STRIP2: variants seen among roughly 807,000 people sequenced by gnomAD.
STRIP2 encodes the protein striatin-interacting protein 2.
In STRIP2, 84 loss-of-function variants were observed where a neutral mutation model predicts 107.1. The ratio of observed to expected loss-of-function variants is 0.78; its 90% CI spans 0.66 to 0.94. The LOEUF (loss-of-function observed/expected upper bound fraction) is 0.94, where lower values mean the gene tolerates loss of function less well. Ranked by LOEUF, STRIP2 falls within the 40% of genes least tolerant of loss-of-function variation. The pLI, the probability that STRIP2 is intolerant of heterozygous loss-of-function variation, is 0.00. For synonymous variants in STRIP2, 394 were observed against 400.4 expected (o/e 0.98, Z 0.19); for missense variants, 888 against 1,034.2 (o/e 0.86, Z 1.94).
chr7:129,455,331 C>T lies in STRIP2; in HGVS notation c.794C>T (p.Pro265Leu), dbSNP rs900215603. Residue 265 changes from proline to leucine, a missense_variant, in exon 8 of 21, where the codon CCC (proline) becomes CTC (leucine). By Grantham distance (98) the Pro-to-Leu change is moderately conservative (BLOSUM62 -3). Coordinates refer to ENST00000249344, the MANE Select transcript of STRIP2 (RefSeq NM_020704.3). The part of the protein sequence containing the change: ...KFCSGLAPHF[P>L]IKKVLLLLWK... ...TGCAGTGGCCTGGCTCCTCACTTCC[C>T]CATAAAGAAGGTCCTGCTCCTGCTC... 6.2e-7 allele frequency: 1 copy of T among 1,613,908 alleles called. No individual in the cohort carries two copies. Among genetic ancestry groups the T allele is most frequent in the South Asian group, 1.1e-5 (1 of 91,030 alleles).
chr7:129,482,363 A>C (rs1182828960), intron 19 of STRIP2, among the ~76,000 whole-genome samples: 76 of 101,488 alleles, frequency 7.5e-4, no homozygotes, highest in African/African-American at 2.0e-3. Flanking sequence ...CTCTATATAT[A>C]TATATATATA....
intron 19 of STRIP2, among the ~76,000 whole-genome samples, chr7:129,481,491 C>T (rs556062878): frequency 2.0e-4 from 30 of 151,346 alleles, no homozygotes; most frequent in Admixed American, 4.0e-4. Flanking sequence ...AGTGAGACTC[C>T]GTCTCAAAAT....
intron 20 of STRIP2, among the ~76,000 whole-genome samples, chr7:129,484,011 G>T (rs1027157914): frequency 5.3e-5 from 8 of 152,188 alleles, no homozygotes. Flanking sequence ...CTCCCAAAGT[G>T]CTGGGATTAC....
chr7:129,434,726 C>T, intron 1 of STRIP2, 125 bp downstream of exon 1: 1 of 1,146,594 alleles, frequency 8.7e-7, no homozygotes, highest in Non-Finnish European at 1.2e-6. Context: ...GCAGTGGGCG[C>T]CTGCGGGGTC....
chr7:129,456,528 C>T lies in STRIP2; in HGVS notation c.924C>T (p.Ile308=). 6.2e-7 allele frequency: 1 copy of T among 1,614,044 alleles called. No individual in the cohort carries two copies. The highest frequency in any genetic ancestry group is 8.5e-7 in the Non-Finnish European group (1 of 1,180,000). ...LGLPPLAEDS[I]QVVKSMRAAS... ...TGCCTCCACTGGCTGAAGACAGTAT[C>T]CAGGTGGTGAAGAGCATGCGTGCTG... Residue 308 remains isoleucine (I), a synonymous_variant, in exon 9 of 21, where the codon ATC becomes ATT. Coordinates refer to ENST00000249344, the MANE Select transcript of STRIP2 (RefSeq NM_020704.3).
chr7:129,467,252 G>A, intron 16 of STRIP2, 98 bp from the exon 17 acceptor site: 1 of 859,996 alleles, frequency 1.2e-6, no homozygotes, highest in Non-Finnish European at 1.9e-6. Flanking sequence ...GATATTCTCA[G>A]GAATGGATAT....
chr7:129,454,018 C>A (rs1798269755), intron 5 of STRIP2, 124 bp from the exon 6 acceptor site: 8 of 803,522 alleles, frequency 1.0e-5, no homozygotes, highest in Admixed American at 2.3e-5. Flanking sequence ...TACTCTAGAC[C>A]AGTTTCATTA....
In STRIP2 at chr7:129,485,840, G is replaced by A. The variant is rs1228133263; in HGVS notation, c.*11G>A. The A allele has an allele frequency of 1.2e-6, 2 of 1,613,410 alleles. No homozygotes were observed. Among genetic ancestry groups the A allele is most frequent in the East Asian group, 2.2e-5 (1 of 44,882 alleles). On this transcript the variant is annotated 3_prime_UTR_variant, in exon 21 of 21. Coordinates refer to ENST00000249344, the MANE Select transcript of STRIP2 (RefSeq NM_020704.3). Reference sequence around the variant, plus strand: ...CTCCAGAATCACTGACTAAGTTCTTGTCAACAAGCATCAATAGATAGAGGT... The same window carrying A: ...CTCCAGAATCACTGACTAAGTTCTTATCAACAAGCATCAATAGATAGAGGT...
intron 18 of STRIP2, among the ~76,000 whole-genome samples, chr7:129,471,149 T>C (rs1473013498): frequency 6.6e-6 from 1 of 152,158 alleles, no homozygotes; most frequent in African/African-American, 2.4e-5. Context: ...GAAAATACTT[T>C]GTCTAAGTCT....
At chr7:129,481,712 G>A (rs1475169959) in intron 19 of STRIP2, among the ~76,000 whole-genome samples, 1 of 152,060 alleles carries the variant, frequency 6.6e-6, no homozygotes, top group East Asian at 1.9e-4. Context: ...AGGAGTTTGA[G>A]ACCAGCCTGG....
At chr7:129,469,758 A>G (rs182764431) in intron 17 of STRIP2, among the ~76,000 whole-genome samples, 1 of 152,304 alleles carries the variant, frequency 6.6e-6, no homozygotes, top group African/African-American at 2.4e-5. Flanking sequence ...AGAAGTTTTG[A>G]CTTTTAAAAT....
In STRIP2 at chr7:129,485,614, G is replaced by C; in HGVS notation, c.2290G>C (p.Glu764Gln). ...DARPWDFQAEECTLRANIEAF... is the reference protein window; with the variant it reads ...DARPWDFQAEQCTLRANIEAF... ...CAGACCATGGGACTTCCAAGCAGAA[G>C]AATGTACCTTGAGGGCCAACATTGA... Residue 764 changes from glutamate to glutamine, a missense_variant, in exon 21 of 21, where the codon GAA becomes CAA. By Grantham distance (29) the Glu-to-Gln change is conservative. Coordinates refer to ENST00000249344, the MANE Select transcript of STRIP2 (RefSeq NM_020704.3). The C allele has an allele frequency of 3.7e-6, 6 of 1,613,966 alleles. No homozygotes were observed. The highest frequency in any genetic ancestry group is 5.1e-6 in the Non-Finnish European group (6 of 1,180,018).
chr7:129,468,736 T>C (rs1024806165), intron 17 of STRIP2, among the ~76,000 whole-genome samples: 3 of 152,176 alleles, frequency 2.0e-5, no homozygotes, highest in Admixed American at 6.5e-5. Context: ...GTCAACACTC[T>C]TGGTTAAAAG....
At chr7:129,481,035 G>T in intron 19 of STRIP2, 146 bp downstream of exon 19, 2 of 604,138 alleles carry the variant, frequency 3.3e-6, no homozygotes, top group Non-Finnish European at 5.8e-6. Context: ...ATAATTCTGG[G>T]CACTTATTCT....
chr7:129,452,914 C>A (rs1798235515), intron 4 of STRIP2, among the ~76,000 whole-genome samples: 1 of 152,204 alleles, frequency 6.6e-6, no homozygotes, highest in South Asian at 2.1e-4. Flanking sequence ...TTCCCTATCT[C>A]TACTGATGAT....
At chr7:129,482,272 C>G (rs1799136254) in intron 19 of STRIP2, among the ~76,000 whole-genome samples, 1 of 151,088 alleles carries the variant, frequency 6.6e-6, no homozygotes, top group African/African-American at 2.4e-5. Flanking sequence ...ATTTTCTTTT[C>G]ACTTTATACC....
rs900976451 is a variant in STRIP2, at chr7:129,486,491, G to A, written c.*662G>A. 6.6e-6 allele frequency: 1 copy of A among 152,460 alleles called. No individual in the cohort carries two copies. The highest frequency in any genetic ancestry group is 2.4e-5 in the African/African-American group (1 of 41,424). The allele number at this position is 152,460 out of a possible 1,614,324, so 9.4% of individuals were successfully genotyped here. ...TGAAAATTATTTCCTTGTGTACTCT[G>A]TATAGGGCATGGAATGCTCTGCCAT... On this transcript the variant is annotated 3_prime_UTR_variant, in exon 21 of 21. Transcript: ENST00000249344.
intron 8 of STRIP2, among the ~76,000 whole-genome samples, 174 bp from the exon 9 acceptor site, chr7:129,456,265 G>T (rs539465769): frequency 6.7e-6 from 1 of 150,050 alleles, no homozygotes; most frequent in East Asian, 2.0e-4. Flanking sequence ...CTCAGTTGCC[G>T]TGGGGATGGT....
intron 3 of STRIP2, among the ~76,000 whole-genome samples, chr7:129,446,203 T>C (rs1469056798): frequency 6.6e-6 from 1 of 152,106 alleles, no homozygotes. Context: ...AAGAGGCTGA[T>C]TGGTGTCCAC....
Sources: allele counts gnomAD v4.1 joint callset (sites outside exome capture counted in the v4.1 genomes callset), GRCh38; gene constraint gnomAD v4.1.1; transcripts MANE v1.5; gene names NCBI Gene and HGNC (gene_info 2026-07-23, HGNC 2026-07-21).